Variants in VEGFC observed in about 807,000 individuals in gnomAD.
The protein encoded by VEGFC is vascular endothelial growth factor C.
VEGFC carries 12 observed loss-of-function variants against 46.1 expected under a neutral mutation model. The observed-to-expected ratio is 0.26, with a 90% CI of 0.17 to 0.42. VEGFC has a LOEUF of 0.42. Ranked by LOEUF, VEGFC falls within the 10% of genes least tolerant of loss-of-function variation. VEGFC has a pLI of 1.00. For missense variants in VEGFC, 488 were observed against 529.4 expected, an observed-to-expected ratio of 0.92 and a Z score of 0.77; for synonymous variants, 232 against 195.5, an observed-to-expected ratio of 1.19 and a Z score of -1.56.
At chr4:176,753,685 G>C (rs1250612591) in intron 1 of VEGFC, among the ~76,000 whole-genome samples, 2 of 151,914 alleles carry the variant, frequency 1.3e-5, no homozygotes, top group African/African-American at 4.8e-5. Context: ...TTCTATTTAA[G>C]GCACAGAAAA....
At chr4:176,790,464 C>A (rs912184872) in intron 1 of VEGFC, among the ~76,000 whole-genome samples, 1 of 152,112 alleles carries the variant, frequency 6.6e-6, no homozygotes, top group African/African-American at 2.4e-5. Flanking sequence ...AACGAAGACA[C>A]TTTTGAAAGT....
At chr4:176,781,209 T>A (rs1735909541) in intron 1 of VEGFC, among the ~76,000 whole-genome samples, 1 of 152,158 alleles carries the variant, frequency 6.6e-6, no homozygotes. Context: ...AAAAGAGAGA[T>A]CTAGGACTCA....
intron 3 of VEGFC, among the ~76,000 whole-genome samples, chr4:176,714,177 G>A (rs1734661776): frequency 6.6e-6 from 1 of 152,208 alleles, no homozygotes; most frequent in Non-Finnish European, 1.5e-5. Context: ...GGAGCTGGCG[G>A]GAGATGAATG....
At chr4:176,766,465 T>C (rs758355994) in intron 1 of VEGFC, among the ~76,000 whole-genome samples, 4 of 151,932 alleles carry the variant, frequency 2.6e-5, no homozygotes, top group Admixed American at 6.6e-5. Flanking sequence ...TGAGTACCTG[T>C]AGTCCCAGGT....
intron 1 of VEGFC, among the ~76,000 whole-genome samples, chr4:176,737,382 G>T (rs7679507): frequency 7.0e-6 from 1 of 143,122 alleles, no homozygotes; most frequent in South Asian, 2.2e-4. Context: ...TCCAACAAAC[G>T]TTATAATATA....
chr4:176,791,401 C>A (rs956288567), intron 1 of VEGFC, among the ~76,000 whole-genome samples: 4 of 152,042 alleles, frequency 2.6e-5, no homozygotes, highest in Non-Finnish European at 5.9e-5. Context: ...AATCAGGATG[C>A]CTCAAAAGTA....
chr4:176,748,494 A>G (rs572809082), intron 1 of VEGFC, among the ~76,000 whole-genome samples: 1 of 152,150 alleles, frequency 6.6e-6, no homozygotes, highest in East Asian at 1.9e-4. Flanking sequence ...AGTAGTACGT[A>G]TACAGCATAA....
intron 1 of VEGFC, among the ~76,000 whole-genome samples, chr4:176,790,298 G>A (rs1026753500): frequency 6.6e-6 from 1 of 152,080 alleles, no homozygotes; most frequent in African/African-American, 2.4e-5. Flanking sequence ...CATAGGAAAG[G>A]AACCCACATC....
chr4:176,763,613 T>C (rs1033178882), intron 1 of VEGFC, among the ~76,000 whole-genome samples: 1 of 152,222 alleles, frequency 6.6e-6, no homozygotes, highest in Non-Finnish European at 1.5e-5. Context: ...TGTTATATTC[T>C]TTCACGTAAT....
chr4:176,687,735 T>A (rs1734070424), intron 5 of VEGFC, 86 bp downstream of exon 5: 4 of 1,085,778 alleles, frequency 3.7e-6, no homozygotes, highest in Non-Finnish European at 5.4e-6. Context: ...GAATGATGAA[T>A]ATTATATGTG....
At chr4:176,789,016 C>T (rs1398122606) in intron 1 of VEGFC, among the ~76,000 whole-genome samples, 1 of 152,136 alleles carries the variant, frequency 6.6e-6, no homozygotes, top group Non-Finnish European at 1.5e-5. Flanking sequence ...TAAACTCCTA[C>T]TCTCAATAAC....
At chr4:176,747,687 A>C (rs1408304419) in intron 1 of VEGFC, among the ~76,000 whole-genome samples, 1 of 152,038 alleles carries the variant, frequency 6.6e-6, no homozygotes, top group Admixed American at 6.6e-5. Flanking sequence ...CCAGCTACTC[A>C]GGACACTGAG....
chr4:176,769,608 C>T (rs1441078865), intron 1 of VEGFC, among the ~76,000 whole-genome samples: 2 of 152,074 alleles, frequency 1.3e-5, no homozygotes, highest in African/African-American at 4.8e-5. Flanking sequence ...AAATGAGAAC[C>T]ACGAAAGCAT....
intron 1 of VEGFC, among the ~76,000 whole-genome samples, chr4:176,741,611 A>G (rs188140333): frequency 4.6e-5 from 7 of 152,126 alleles, no homozygotes; most frequent in Middle Eastern, 3.4e-3. Flanking sequence ...ATAATAAAAA[A>G]AGATAAAATG....
chr4:176,739,388 T>C (rs1484815053), intron 1 of VEGFC, among the ~76,000 whole-genome samples: 1 of 151,828 alleles, frequency 6.6e-6, no homozygotes, highest in Non-Finnish European at 1.5e-5. Context: ...GTGGTACATA[T>C]ACACTATGGA....
At chr4:176,768,608 G>A (rs1735673413) in intron 1 of VEGFC, among the ~76,000 whole-genome samples, 1 of 150,720 alleles carries the variant, frequency 6.6e-6, no homozygotes, top group Non-Finnish European at 1.5e-5. Context: ...AATCCTTACA[G>A]ACAGCAAAAA....
intron 4 of VEGFC, among the ~76,000 whole-genome samples, chr4:176,696,586 T>C (rs1734317888): frequency 6.6e-6 from 1 of 150,594 alleles, no homozygotes; most frequent in Non-Finnish European, 1.5e-5. Flanking sequence ...TTCAATGCCA[T>C]CCCCATCAAG....
chr4:176,749,233 C>G (rs1486918898), intron 1 of VEGFC, among the ~76,000 whole-genome samples: 4 of 151,766 alleles, frequency 2.6e-5, no homozygotes, highest in Non-Finnish European at 4.4e-5. Flanking sequence ...CTCAAGTCCT[C>G]TCCCTCCACT....
At chr4:176,684,144 T>C (rs1733994960) in intron 6 of VEGFC, 104 bp from the exon 7 acceptor site, 1 of 841,454 alleles carries the variant, frequency 1.2e-6, no homozygotes. Flanking sequence ...TGGAATAAAA[T>C]TACTAATTTT....
Sources: allele counts gnomAD v4.1 joint callset (sites outside exome capture counted in the v4.1 genomes callset), GRCh38; gene constraint gnomAD v4.1.1; transcripts MANE v1.5; gene names NCBI Gene and HGNC (gene_info 2026-07-23, HGNC 2026-07-21).